DOCK4: variants seen among roughly 807,000 people sequenced by gnomAD.
The protein encoded by DOCK4 is dedicator of cytokinesis protein 4.
In DOCK4, 97 loss-of-function variants were observed where a neutral mutation model predicts 268.1. The observed-to-expected ratio is 0.36, with a 90% CI of 0.31 to 0.43. DOCK4 has a LOEUF of 0.43. DOCK4 is among the 20% of genes least tolerant of loss of function. The pLI, the probability that DOCK4 is intolerant of heterozygous loss-of-function variation, is 1.00. For synonymous variants in DOCK4, 954 were observed against 887.2 expected, an observed-to-expected ratio of 1.08 and a Z score of -1.34; for missense variants, 2,145 against 2,455.7, an observed-to-expected ratio of 0.87 and a Z score of 2.67.
rs114962956 is a variant in DOCK4, at chr7:112,117,234, C to T, written c.37+88868G>A. 9.8e-4 allele frequency among the ~76,000 whole-genome samples: 149 copies of T among 152,300 alleles called. 1 individual carries two copies. The highest frequency in any genetic ancestry group is 3.5e-3 in the African/African-American group (144 of 41,562). On this transcript the variant is annotated intron_variant, in intron 1 of 52. Transcript: ENST00000428084. ...CTCACAAGCTGCAGCCCTCTAAAGC[C>T]CTCATTCACAAATAAACTTCAGGTC...
At chr7:112,113,138 G>C (rs1811819541) in intron 1 of DOCK4, among the ~76,000 whole-genome samples, 1 of 152,216 alleles carries the variant, frequency 6.6e-6, no homozygotes, top group African/African-American at 2.4e-5. Context: ...GCCATTATTA[G>C]GAAATTCCTG....
intron 44 of DOCK4, 83 bp from the exon 45 acceptor site, chr7:111,742,215 C>T (rs565544544): frequency 7.9e-5 from 110 of 1,387,296 alleles, no homozygotes; most frequent in Non-Finnish European, 7.1e-5. Context: ...CACTTTACTA[C>T]GCATTTCGCT....
chr7:112,023,990 C>T lies in DOCK4; in HGVS notation c.38-19859G>A, dbSNP rs7793319. Among the ~76,000 whole-genome samples, 297 of 152,322 alleles carry T rather than the reference C, an allele frequency of 1.9e-3. 1 individual carries two copies. Among genetic ancestry groups the T allele is most frequent in the African/African-American group, 6.9e-3 (285 of 41,564 alleles). On this transcript the variant is annotated intron_variant, in intron 1 of 52. Coordinates refer to ENST00000428084, the MANE Select transcript of DOCK4 (RefSeq NM_001363540.2). ...TATCAGTCATAAATGCTGTTCAATG[C>T]GTGTCCTTCCTAAACTGCTTTGTTC...
Position 111,916,145 on chromosome 7 carries a change from G to C in DOCK4, c.1067-241C>G, listed in dbSNP as rs111455250. ...GTGGAGAAAATGAGCAGAACTCTAA[G>C]AGGCAGCCTGGCTTCCAACCCCCAA... On this transcript the variant is annotated intron_variant, in intron 12 of 52. Transcript: ENST00000428084. 9.2e-3 allele frequency among the ~76,000 whole-genome samples: 1,394 copies of C among 152,236 alleles called. 24 individuals carry two copies. Among genetic ancestry groups the C allele is most frequent in the African/African-American group, 0.031 (1,299 of 41,534 alleles).
At chr7:112,127,110 C>T (rs1267475172) in intron 1 of DOCK4, among the ~76,000 whole-genome samples, 7 of 148,910 alleles carry the variant, frequency 4.7e-5, no homozygotes, top group Admixed American at 6.7e-5. Context: ...CACATGCACA[C>T]GTATGTTTAT....
intron 1 of DOCK4, among the ~76,000 whole-genome samples, chr7:112,052,374 A>C (rs1386198968): frequency 1.3e-5 from 2 of 152,288 alleles, no homozygotes; most frequent in East Asian, 3.9e-4. Flanking sequence ...AACTCTTCTT[A>C]TAGAAAACTC....
chr7:111,814,997 T>C (rs745944365), intron 27 of DOCK4, among the ~76,000 whole-genome samples: 2 of 152,256 alleles, frequency 1.3e-5, no homozygotes, highest in Non-Finnish European at 2.9e-5. Flanking sequence ...TTTAAAATTA[T>C]AGATTATTTT....
Position 111,977,167 on chromosome 7 carries a change from G to C in DOCK4, c.666C>G (p.Phe222Leu). Residue 222 changes from phenylalanine (F) to leucine (L), a missense_variant, in exon 8 of 53, where the codon TTC (phenylalanine) becomes TTG (leucine). Around this residue, in one of 2 missense-constraint regions of DOCK4, gnomAD observed 1,598 missense variants for 1,986.7 expected, o/e 0.80. Coordinates refer to ENST00000428084, the MANE Select transcript of DOCK4 (RefSeq NM_001363540.2). ...GGTTCTCTTTACTGTCAAAGAGTGA[G>C]AAGATGACCTCCAGCTCCTCTCCCA... ...SNLGEELEVIFSLFDSKENRP... is the reference protein window; with the variant it reads ...SNLGEELEVILSLFDSKENRP... 1.2e-6 allele frequency: 2 copies of C among 1,613,126 alleles called. No individual in the cohort carries two copies. Among genetic ancestry groups the C allele is most frequent in the Non-Finnish European group, 1.7e-6 (2 of 1,179,620 alleles).
At chr7:112,009,281 A>G (rs895219675) in intron 1 of DOCK4, among the ~76,000 whole-genome samples, 1 of 152,196 alleles carries the variant, frequency 6.6e-6, no homozygotes, top group Non-Finnish European at 1.5e-5. Context: ...CTTTCTGCTA[A>G]AAGGATCTCC....
At chr7:111,976,161 A>AAAAAAATATATATATATATATAT (rs1554400643) in intron 8 of DOCK4, among the ~76,000 whole-genome samples, 1 of 34,014 alleles carries the variant, frequency 2.9e-5, no homozygotes, top group African/African-American at 1.5e-4. Context: ...AAAAAAAAAA[A>AAAAAAATATATATATATATATAT]ATATATATAT....
At chr7:111,761,392 T>G (rs1490360246) in intron 39 of DOCK4, among the ~76,000 whole-genome samples, 1 of 152,084 alleles carries the variant, frequency 6.6e-6, no homozygotes, top group East Asian at 1.9e-4. Context: ...TTTGTCCACG[T>G]GTACTAGATT....
intron 7 of DOCK4, 132 bp from the exon 8 acceptor site, chr7:111,977,415 A>G (rs1385489795): frequency 4.4e-5 from 42 of 950,960 alleles, no homozygotes; most frequent in Non-Finnish European, 5.3e-5. Flanking sequence ...TGGATTTGGT[A>G]TCTAAATCCA....
intron 14 of DOCK4, 140 bp downstream of exon 14, chr7:111,901,537 G>T (rs555695467): frequency 3.6e-6 from 3 of 843,524 alleles, no homozygotes; most frequent in South Asian, 2.3e-5. Flanking sequence ...ACACAGGGGT[G>T]AAGGAGAAAA....
At chr7:112,143,293 C>T (rs1341094497) in intron 1 of DOCK4, among the ~76,000 whole-genome samples, 1 of 152,120 alleles carries the variant, frequency 6.6e-6, no homozygotes, top group Admixed American at 6.5e-5. Context: ...CAGGGCCCTC[C>T]ATCCCAGAAA....
chr7:112,175,710 TTA>T (rs1459840891), intron 1 of DOCK4, among the ~76,000 whole-genome samples: 1 of 152,214 alleles, frequency 6.6e-6, no homozygotes, highest in African/African-American at 2.4e-5. Flanking sequence ...TTTTTAAAAT[TTA>T]TCTCTTAATG....
At chr7:111,850,126 CCTTTTCAAAACT>C (rs1019147282) in intron 23 of DOCK4, among the ~76,000 whole-genome samples, 22 of 151,950 alleles carry the variant, frequency 1.4e-4, no homozygotes, top group African/African-American at 5.3e-4. Context: ...ATACAAAAAC[CCTTTTCAAAACT>C]TTAGCAAGTC....
At chr7:111,897,257 A>G (rs963551248) in intron 15 of DOCK4, among the ~76,000 whole-genome samples, 1 of 152,106 alleles carries the variant, frequency 6.6e-6, no homozygotes, top group Non-Finnish European at 1.5e-5. Context: ...TATTTGAACT[A>G]CCACTGGCAC....
chr7:111,741,513 T>G lies in DOCK4; in HGVS notation c.4919+27A>C, dbSNP rs531092850. ...GATCAGCTTGCGGGTGAGGCCAAAT[T>G]GTAAGATAATTTGGAATATGACTTA... On this transcript the variant is annotated intron_variant, in intron 46 of 52. Coordinates refer to ENST00000428084, the MANE Select transcript of DOCK4 (RefSeq NM_001363540.2). 120 of 1,609,190 alleles carry G rather than the reference T, an allele frequency of 7.5e-5. 1 individual carries two copies. In the South Asian group the frequency reaches 1.2e-3, roughly 16 times the overall value.
intron 40 of DOCK4, 80 bp from the exon 41 acceptor site, chr7:111,758,870 G>A (rs1797207049): frequency 7.7e-7 from 1 of 1,291,592 alleles, no homozygotes; most frequent in African/African-American, 1.5e-5. Flanking sequence ...ATGGCAGAGA[G>A]AAGAGGATGG....
Sources: gnomAD v4.1 joint callset for allele counts (sites outside exome capture counted in the v4.1 genomes callset) on GRCh38, gnomAD v4.1.1 for gene constraint, gnomAD v4.1.1 regional missense constraint, MANE v1.5 for transcripts, NCBI Gene and HGNC (gene_info 2026-07-23, HGNC 2026-07-21) for gene names.